Variants in TCERG1L observed in about 807,000 individuals in gnomAD.
The protein encoded by TCERG1L is transcription elongation regulator 1-like protein.
TCERG1L carries 37 observed loss-of-function variants against 56.3 expected under a neutral mutation model. The observed-to-expected ratio is 0.66, with a 90% CI of 0.51 to 0.87. The LOEUF is 0.87. Among genes scored for constraint, TCERG1L ranks in the 40% least tolerant of loss-of-function variants. The probability of loss-of-function intolerance (pLI) is 0.00; values close to 1 mark genes in which losing one functional copy is unlikely to be tolerated. For missense variants in TCERG1L, 799 were observed against 774.2 expected, an observed-to-expected ratio of 1.03 and a Z score of -0.38; for synonymous variants, 324 against 326.3, an observed-to-expected ratio of 0.99 and a Z score of 0.08.
chr10:131,252,136 C>T (rs1846117832), intron 4 of TCERG1L, among the ~76,000 whole-genome samples: 1 of 152,192 alleles, frequency 6.6e-6, no homozygotes, highest in Admixed American at 6.5e-5. Context: ...AGATATGCCA[C>T]ATTTTCTTTA....
At chr10:131,307,963 A>C (rs1191083499) in intron 3 of TCERG1L, among the ~76,000 whole-genome samples, 1 of 152,100 alleles carries the variant, frequency 6.6e-6, no homozygotes, top group Non-Finnish European at 1.5e-5. Context: ...TGCAAATACA[A>C]TTCTGTGAAA....
chr10:131,258,293 T>C (rs1846195526), intron 4 of TCERG1L, among the ~76,000 whole-genome samples: 1 of 152,244 alleles, frequency 6.6e-6, no homozygotes, highest in Non-Finnish European at 1.5e-5. Flanking sequence ...AGGCCAGCTC[T>C]CTATCCCATC....
intron 3 of TCERG1L, among the ~76,000 whole-genome samples, chr10:131,298,503 T>A (rs953627728): frequency 6.6e-6 from 1 of 152,164 alleles, no homozygotes; most frequent in Non-Finnish European, 1.5e-5. Flanking sequence ...AACCTCCACC[T>A]CCTGGTTTCC....
In TCERG1L at chr10:131,288,095, G is replaced by A. The variant is rs202245410; in HGVS notation, c.670+20116C>T. Among the ~76,000 whole-genome samples the A allele has an allele frequency of 2.0e-5, 3 of 152,144 alleles. No homozygotes were observed. In the East Asian group the frequency reaches 5.8e-4, roughly 29 times the overall value. On this transcript the variant is annotated intron_variant, in intron 3 of 11. Coordinates refer to ENST00000368642, the MANE Select transcript of TCERG1L (RefSeq NM_174937.4). ...TTCTCTGGAACTGGGGACCTGTGACGATTCCAGCAGGACAAGAGGCAGAGC... is the reference window on the plus strand; with the variant it reads ...TTCTCTGGAACTGGGGACCTGTGACAATTCCAGCAGGACAAGAGGCAGAGC...
In TCERG1L at chr10:131,224,946, T is replaced by C. The variant is rs145698639; in HGVS notation, c.856+35313A>G. Among the ~76,000 whole-genome samples the C allele has an allele frequency of 8.5e-3, 1,289 of 152,300 alleles. 17 individuals carry two copies. The highest frequency in any genetic ancestry group is 0.028 in the African/African-American group (1,156 of 41,558). On this transcript the variant is annotated intron_variant, in intron 4 of 11. Coordinates refer to ENST00000368642, the MANE Select transcript of TCERG1L (RefSeq NM_174937.4). ...CTCTTTACTAGTGGAGGTAATAATG[T>C]AGTTTGTAATCATGACCATCGGCCC...
intron 4 of TCERG1L, among the ~76,000 whole-genome samples, chr10:131,197,335 C>T (rs1238207223): frequency 2.0e-5 from 3 of 152,108 alleles, no homozygotes; most frequent in African/African-American, 4.8e-5. Flanking sequence ...GCGCCCGCCA[C>T]CATGCCCGGC....
At chr10:131,148,393 C>T (rs940751237) in intron 6 of TCERG1L, among the ~76,000 whole-genome samples, 7 of 151,376 alleles carry the variant, frequency 4.6e-5, no homozygotes, top group African/African-American at 1.7e-4. Flanking sequence ...CACACATAAA[C>T]ACACAGATAT....
chr10:131,309,458 C>A (rs1846854997), intron 1 of TCERG1L, among the ~76,000 whole-genome samples, 159 bp from the exon 2 acceptor site: 1 of 151,934 alleles, frequency 6.6e-6, no homozygotes, highest in Admixed American at 6.5e-5. Context: ...AAGTATGTAC[C>A]AATCAAAGAA....
chr10:131,138,769 C>A (rs1845701222), intron 7 of TCERG1L, among the ~76,000 whole-genome samples: 1 of 152,144 alleles, frequency 6.6e-6, no homozygotes, highest in African/African-American at 2.4e-5. Flanking sequence ...GTTGACAGCT[C>A]TCCAACATTG....
chr10:131,281,780 A>C (rs945541921), intron 3 of TCERG1L, among the ~76,000 whole-genome samples: 1 of 152,200 alleles, frequency 6.6e-6, no homozygotes, highest in Non-Finnish European at 1.5e-5. Context: ...GGGTCCAAAA[A>C]GCCTGATCCG....
At chr10:131,117,226 G>A (rs929259675) in intron 8 of TCERG1L, among the ~76,000 whole-genome samples, 1 of 152,152 alleles carries the variant, frequency 6.6e-6, no homozygotes, top group Non-Finnish European at 1.5e-5. Context: ...CTGCCAACCG[G>A]CATGTCTCCT....
intron 4 of TCERG1L, among the ~76,000 whole-genome samples, chr10:131,201,910 G>C (rs1448542886): frequency 6.6e-6 from 1 of 152,280 alleles, no homozygotes; most frequent in Non-Finnish European, 1.5e-5. Flanking sequence ...CAGAGACGAG[G>C]AAAGAGCCAA....
chr10:131,099,002 G>A (rs1365678452), intron 10 of TCERG1L, among the ~76,000 whole-genome samples: 1 of 152,202 alleles, frequency 6.6e-6, no homozygotes, highest in Non-Finnish European at 1.5e-5. Flanking sequence ...GGTGCCTTGG[G>A]GAGGACTCAG....
chr10:131,103,622 T>TG lies in TCERG1L; in HGVS notation c.1485+642dup, dbSNP rs1845323750. The stretch of plus-strand genomic sequence containing the variant: ...GGGAGGATGGCTTGATCCCAGAAGG[T>TG]GGAGGTTGCAGTGAGCCAAGATTGC... On this transcript the variant is annotated intron_variant, in intron 10 of 11. Transcript: ENST00000368642. This position sits in a 1 kb window ranked among gnomAD's most constrained non-coding sequence, Gnocchi z 4.3. 6.6e-6 allele frequency among the ~76,000 whole-genome samples: 1 copy of TG among 152,122 alleles called. No individual in the cohort carries two copies. The highest frequency in any genetic ancestry group is 1.5e-5 in the Non-Finnish European group (1 of 68,032).
At chr10:131,176,060 C>T (rs1019000254) in intron 4 of TCERG1L, among the ~76,000 whole-genome samples, 1 of 152,222 alleles carries the variant, frequency 6.6e-6, no homozygotes, top group Non-Finnish European at 1.5e-5. Flanking sequence ...GAGCTTCAGT[C>T]TGTCGCTTCG....
At chr10:131,169,132 C>T (rs184749335) in intron 4 of TCERG1L, among the ~76,000 whole-genome samples, 95 of 152,286 alleles carry the variant, frequency 6.2e-4, no homozygotes, top group African/African-American at 1.2e-3. Flanking sequence ...CAAGGTGCAG[C>T]GGTCATCAAG....
At chr10:131,249,443 C>G (rs1039407866) in intron 4 of TCERG1L, among the ~76,000 whole-genome samples, 3 of 151,474 alleles carry the variant, frequency 2.0e-5, no homozygotes, top group Admixed American at 6.6e-5. Context: ...GGGGCTTTCA[C>G]GGCCCTGACA....
At chr10:131,303,719 C>T (rs1846792341) in intron 3 of TCERG1L, among the ~76,000 whole-genome samples, 1 of 152,034 alleles carries the variant, frequency 6.6e-6, no homozygotes, top group African/African-American at 2.4e-5. Flanking sequence ...TGTCTTCTAT[C>T]ATCAGATGCA....
At position 131,146,597 on chromosome 10, in the gene TCERG1L, G is replaced by C; in HGVS notation, c.1098C>G (p.Val366=). The C allele has an allele frequency of 1.9e-6, 3 of 1,613,936 alleles. No homozygotes were observed. In the South Asian group the frequency reaches 3.3e-5, roughly 18 times the overall value. The change falls in exon 7 of 12, where the codon GTC becomes GTG. Residue 366 remains valine (V), a synonymous_variant. Coordinates refer to ENST00000368642, the MANE Select transcript of TCERG1L (RefSeq NM_174937.4). ...CCTTCAGGTCCATGGGCTTCTCCCA[G>C]ACAGACAGGTGCATCGTTGGGTTGA... is the stretch of plus-strand genomic sequence containing the variant. ...FFFNPTMHLS[V]WEKPMDLKDR... is the part of the protein sequence containing the mutation.
Sources: gnomAD v4.1 joint callset for allele counts (sites outside exome capture counted in the v4.1 genomes callset) on GRCh38, gnomAD v4.1.1 for gene constraint, Gnocchi (gnomAD v3.1) non-coding constraint, MANE v1.5 for transcripts, NCBI Gene and HGNC (gene_info 2026-07-23, HGNC 2026-07-21) for gene names.